The following TMEM80 variants were observed in gnomAD, a reference collection of about 807,000 sequenced individuals.
TMEM80 encodes the protein transmembrane protein 80.
A neutral mutation model predicts 13.6 loss-of-function variants in TMEM80; 16 were observed. That is an observed-to-expected ratio of 1.17 (90% CI 0.79 to 1.78). TMEM80 has a LOEUF of 1.78. Ranked by LOEUF, TMEM80 falls within the 40% of genes most tolerant of loss-of-function variation. The pLI is 0.00. For synonymous variants in TMEM80, 92 were observed against 89.5 expected (o/e 1.03, Z -0.16); for missense variants, 167 against 184.6 (o/e 0.90, Z 0.55).
At chr11:697,023 GT>G (rs763927996) in intron 1 of TMEM80, among the ~76,000 whole-genome samples, 5,585 of 145,208 alleles carry the variant, frequency 0.038, 189 homozygotes, top group East Asian at 0.11. Context: ...GGTGGGGGGG[GT>G]GGGGTGCGGA....
intron 4 of TMEM80, chr11:700,932 G>A: frequency 3.4e-6 from 2 of 586,272 alleles, no homozygotes; most frequent in Non-Finnish European, 6.1e-6. Context: ...GAGAGACTCT[G>A]TGTTTGGAAG....
chr11:704,567 G>A (rs1256411648), downstream of TMEM80: 12 of 1,288,908 alleles, frequency 9.3e-6, no homozygotes, highest in African/African-American at 1.5e-5. Context: ...CCTGCCATCT[G>A]GAGGACCCAG....
At chr11:704,710 A>C, downstream of TMEM80, 3 of 1,223,190 alleles carry the variant, frequency 2.5e-6, no homozygotes, top group Non-Finnish European at 3.2e-6. Context: ...TCCACAGGGA[A>C]CGCCATGGCT....
chr11:704,478 A>G (rs115106075), downstream of TMEM80: 2,188 of 1,289,062 alleles, frequency 1.7e-3, 33 homozygotes, highest in African/African-American at 0.03. Context: ...CTGAGGACCC[A>G]CTTCACACAC....
chr11:701,842 T>C (rs1861511988), intron 4 of TMEM80, among the ~76,000 whole-genome samples: 1 of 152,222 alleles, frequency 6.6e-6, no homozygotes, highest in Admixed American at 6.5e-5. Flanking sequence ...AAGGGTATGT[T>C]CTTGTACAAG....
chr11:701,536 G>A (rs1046365929), intron 4 of TMEM80, among the ~76,000 whole-genome samples: 13 of 149,568 alleles, frequency 8.7e-5, no homozygotes, highest in East Asian at 2.0e-4. Context: ...TCAGCCTCCC[G>A]AGTAACTGGG....
rs1564963817 is a variant in TMEM80 at position 702,949 on chromosome 11, CA to C, written c.232del (p.Arg78GlyfsTer4). On this transcript the variant is annotated frameshift_variant, in exon 5 of 5. Coordinates refer to ENST00000397510, the MANE Select transcript of TMEM80 (RefSeq NM_001042463.3). LOFTEE classifies it low-confidence loss of function (END_TRUNC). The stretch of plus-strand genomic sequence containing the variant: ...CCCCTTTGCTCTGTTCTCCAGGCAC[CA>C]GGGGCAACCTGACAGAGGCTGAGAG... ...LEAVRLYLGTRGNLTEAERPL... is the reference protein window; with the variant it reads ...LEAVRLYLGTXGNLTEAERPL... The C allele has an allele frequency of 3.7e-6, 6 of 1,605,914 alleles. No individual in the cohort carries two copies. Among genetic ancestry groups the C allele is most frequent in the Non-Finnish European group, 1.7e-6 (2 of 1,176,156 alleles).
intron 2 of TMEM80, chr11:699,704 T>C: frequency 4.5e-5 from 7 of 155,886 alleles, no homozygotes; most frequent in East Asian, 1.9e-4. Context: ...GCCAAGATTG[T>C]GCCACTGCAC....
chr11:702,931 G>T lies in TMEM80; in HGVS notation c.227-14G>T. 6.3e-7 allele frequency: 1 copy of T among 1,597,628 alleles called. No individual in the cohort carries two copies. The highest frequency in any genetic ancestry group is 1.1e-5 in the South Asian group (1 of 89,610). On this transcript the variant is annotated splice_polypyrimidine_tract_variant and intron_variant, in intron 4 of 4. Transcript: ENST00000397510. ...CCTCGCACCACCTTCCCTCCCCTTTGCTCTGTTCTCCAGGCACCAGGGGCA... is the reference window on the plus strand; with the variant it reads ...CCTCGCACCACCTTCCCTCCCCTTTTCTCTGTTCTCCAGGCACCAGGGGCA...
chr11:704,211 T>C, downstream of TMEM80: 1 of 972,378 alleles, frequency 1.0e-6, no homozygotes, highest in Non-Finnish European at 1.3e-6. Flanking sequence ...TGCCAGCTGG[T>C]CAGTTCCTGG....
chr11:697,581 C>T (rs1016917612), intron 1 of TMEM80: 1 of 152,182 alleles, frequency 6.6e-6, no homozygotes, highest in African/African-American at 2.4e-5. Flanking sequence ...CAATCTATAA[C>T]AGTGAGCAAC....
chr11:697,088 G>A (rs560896211), intron 1 of TMEM80, among the ~76,000 whole-genome samples: 31 of 125,630 alleles, frequency 2.5e-4, no homozygotes, highest in Non-Finnish European at 4.7e-4. Flanking sequence ...CAACAAGAGC[G>A]AAATTCTGTC....
In TMEM80 at chr11:702,965, G is replaced by A; in HGVS notation, c.247G>A (p.Glu83Lys). ...TCCAGGCACCAGGGGCAACCTGACA[G>A]AGGCTGAGAGGCCGCTGGCCGCCAG... is the stretch of plus-strand genomic sequence containing the variant. ...LYLGTRGNLT[E>K]AERPLAASLA... Residue 83 changes from glutamate to lysine, a missense_variant, in exon 5 of 5, where the codon GAG becomes AAG. By Grantham distance (56) the Glu-to-Lys change is moderately conservative. Coordinates refer to ENST00000397510, the MANE Select transcript of TMEM80 (RefSeq NM_001042463.3). 2 of 1,609,628 alleles carry A rather than the reference G, an allele frequency of 1.2e-6. No individual in the cohort carries two copies. Among genetic ancestry groups the A allele is most frequent in the South Asian group, 2.2e-5 (2 of 90,786 alleles).
chr11:700,105 A>C, intron 2 of TMEM80, 37 bp from the exon 3 acceptor site: 1 of 1,591,004 alleles, frequency 6.3e-7, no homozygotes, highest in African/African-American at 1.3e-5. Context: ...GCTGCTCCCA[A>C]GCCTGTTGAG....
At chr11:704,918 G>C (rs1861650601), downstream of TMEM80, 1 of 349,960 alleles carries the variant, frequency 2.9e-6, no homozygotes, top group African/African-American at 2.1e-5. Context: ...GGGCACGGGT[G>C]CACCGAGGGG....
chr11:698,856 CTT>C lies in TMEM80; in HGVS notation c.20-11_20-10del. 6.2e-7 allele frequency: 1 copy of C among 1,614,178 alleles called. No individual in the cohort carries two copies. Among genetic ancestry groups the C allele is most frequent in the Middle Eastern group, 1.6e-4 (1 of 6,062 alleles). On this transcript the variant is annotated splice_polypyrimidine_tract_variant and intron_variant, in intron 1 of 4. Coordinates refer to ENST00000397510, the MANE Select transcript of TMEM80 (RefSeq NM_001042463.3). ...GGCTGTCAGGCCTTGCTCACGGCCC[CTT>C]TCTCTTTCAGGGAGAGGATCCTCCA...
intron 1 of TMEM80, chr11:697,545 A>AG (rs1861255997): frequency 6.6e-6 from 1 of 152,226 alleles, no homozygotes; most frequent in Non-Finnish European, 1.5e-5. Context: ...GCTTTTATAC[A>AG]GTTTTTCCCC....
chr11:703,215 T>C lies in TMEM80; in HGVS notation c.*65T>C, dbSNP rs1861581731. On this transcript the variant is annotated 3_prime_UTR_variant, in exon 5 of 5. Transcript: ENST00000397510. Reference sequence around the variant, plus strand: ...CTGGGCCTGACCAGTCCCCCAGCTGTCACCTCCCCATTCCTGGACAGGAAG... The same window carrying C: ...CTGGGCCTGACCAGTCCCCCAGCTGCCACCTCCCCATTCCTGGACAGGAAG... 1 of 1,512,578 alleles carries C rather than the reference T, an allele frequency of 6.6e-7. No individual in the cohort carries two copies. Among genetic ancestry groups the C allele is most frequent in the Non-Finnish European group, 8.9e-7 (1 of 1,123,432 alleles). 93.7% of individuals were successfully genotyped at this position (1,512,578 alleles called of 1,614,324 possible).
In TMEM80 at chr11:701,959, CAT is replaced by C. The variant is rs909524018; in HGVS notation, c.227-985_227-984del. Among the ~76,000 whole-genome samples, 7 of 152,334 alleles carry C rather than the reference CAT, an allele frequency of 4.6e-5. No individual in the cohort carries two copies. In the East Asian group the frequency reaches 5.8e-4, roughly 13 times the overall value. On this transcript the variant is annotated intron_variant, in intron 4 of 4. Coordinates refer to ENST00000397510, the MANE Select transcript of TMEM80 (RefSeq NM_001042463.3). ...GCCCTCTGCGTGCTCATGGTCGTAA[CAT>C]GTGCACCTAAACACACGTGTTTGTG...
Sources: allele counts gnomAD v4.1 joint callset (sites outside exome capture counted in the v4.1 genomes callset), GRCh38; gene constraint gnomAD v4.1.1; transcripts MANE v1.5; gene names NCBI Gene and HGNC (gene_info 2026-07-23, HGNC 2026-07-21).